ACOX3: variants seen among roughly 807,000 people sequenced by gnomAD.
ACOX3 encodes acyl-CoA oxidase 3, pristanoyl.
A neutral mutation model predicts 81.5 loss-of-function variants in ACOX3; 73 were observed. The ratio of observed to expected loss-of-function variants is 0.90; its 90% CI spans 0.74 to 1.09. The LOEUF is 1.09. Ranked by LOEUF, ACOX3 falls within the 50% of genes least tolerant of loss-of-function variation. The pLI is 0.00. For synonymous variants in ACOX3, 387 were observed against 375.1 expected (o/e 1.03, Z -0.37); for missense variants, 947 against 928.0 (o/e 1.02, Z -0.27).
In ACOX3 at chr4:8,385,390, C is replaced by T. The variant is rs1718187785; in HGVS notation, c.1537+3783G>A. 6.6e-6 allele frequency among the ~76,000 whole-genome samples: 1 copy of T among 152,216 alleles called. No homozygotes were observed. Among genetic ancestry groups the T allele is most frequent in the Non-Finnish European group, 1.5e-5 (1 of 68,040 alleles). On this transcript the variant is annotated intron_variant, in intron 13 of 17. Transcript: ENST00000356406. This position sits in a 1 kb window ranked among gnomAD's most constrained non-coding sequence, Gnocchi z 5.5. ...TGACCTCACCACTCACCCCATGTGA[C>T]CCCACTGCTCACACATGACCCTATG...
Position 8,373,546 on chromosome 4 carries a change from G to A in ACOX3, c.1896+15C>T. On this transcript the variant is annotated intron_variant, in intron 16 of 17. Coordinates refer to ENST00000356406, the MANE Select transcript of ACOX3 (RefSeq NM_003501.3). ...TAACATGGATGTAGAGAACGCGACA[G>A]CACCCACGGCTCACCTGGGAACACA... The A allele has an allele frequency of 6.2e-7, 1 of 1,613,598 alleles. No individual in the cohort carries two copies. The highest frequency in any genetic ancestry group is 8.5e-7 in the Non-Finnish European group (1 of 1,179,868).
rs373143353 is a variant in ACOX3 at position 8,410,349 on chromosome 4, T to C, written c.550A>G (p.Ile184Val). The part of the protein sequence containing the change: ...AHYDPATEEF[I>V]IHSPDFEAAK... ...GCTTCGAAATCAGGGGAATGTATGATGAATTCCTGCACAAGGGAAAATTTA... is the reference window on the plus strand; with the variant it reads ...GCTTCGAAATCAGGGGAATGTATGACGAATTCCTGCACAAGGGAAAATTTA... The change falls in exon 6 of 18, where the codon ATC (isoleucine) becomes GTC (valine). Residue 184 changes from isoleucine to valine, a missense_variant. Coordinates refer to ENST00000356406, the MANE Select transcript of ACOX3 (RefSeq NM_003501.3). 3 of 1,614,056 alleles carry C rather than the reference T, an allele frequency of 1.9e-6. No homozygotes were observed. In the Admixed American group the frequency reaches 5.0e-5, roughly 27 times the overall value.
chr4:8,420,937 G>A (rs12513048), intron 1 of ACOX3, among the ~76,000 whole-genome samples: 2,343 of 152,300 alleles, frequency 0.015, 23 homozygotes, highest in South Asian at 0.04. Flanking sequence ...CTAGTCCCTG[G>A]GTTCCACAGT....
intron 1 of ACOX3, among the ~76,000 whole-genome samples, chr4:8,435,816 G>C (rs1467383216): frequency 6.6e-6 from 1 of 152,192 alleles, no homozygotes; most frequent in East Asian, 1.9e-4. Context: ...GGAGCCGCCA[G>C]AGATAACAGA....
chr4:8,410,523 T>C (rs1216944098), intron 5 of ACOX3, among the ~76,000 whole-genome samples, 168 bp from the exon 6 acceptor site: 1 of 152,230 alleles, frequency 6.6e-6, no homozygotes, highest in Non-Finnish European at 1.5e-5. Flanking sequence ...GCCTATTTTT[T>C]AAACACAGCC....
chr4:8,415,611 T>G (rs1294351133), intron 3 of ACOX3, among the ~76,000 whole-genome samples, 155 bp downstream of exon 3: 1 of 152,094 alleles, frequency 6.6e-6, no homozygotes, highest in Non-Finnish European at 1.5e-5. Context: ...TGAAATTTTT[T>G]TAAAAACATT....
intron 9 of ACOX3, among the ~76,000 whole-genome samples, chr4:8,395,947 A>C (rs1355397521): frequency 6.6e-6 from 1 of 152,172 alleles, no homozygotes; most frequent in Non-Finnish European, 1.5e-5. Flanking sequence ...CTTTAACTGG[A>C]TTTCTTATTT....
At position 8,432,740 on chromosome 4, in the gene ACOX3, C is replaced by T. The variant is rs996942053; in HGVS notation, c.-15+7908G>A. ...GCCAGGGACTTCCGGTTGGAGCCTC[C>T]ACTGCTGCTTCTCGAGTTCCACCCA... is the stretch of plus-strand genomic sequence containing the variant. On this transcript the variant is annotated intron_variant, in intron 1 of 17. Coordinates refer to ENST00000356406, the MANE Select transcript of ACOX3 (RefSeq NM_003501.3). The surrounding 1 kb of genome is among the most constrained non-coding windows in gnomAD (Gnocchi z 6.2). Among the ~76,000 whole-genome samples, 2 of 152,154 alleles carry T rather than the reference C, an allele frequency of 1.3e-5. No individual in the cohort carries two copies. Among genetic ancestry groups the T allele is most frequent in the Non-Finnish European group, 1.5e-5 (1 of 68,022 alleles).
intron 14 of ACOX3, among the ~76,000 whole-genome samples, chr4:8,377,716 C>A (rs1325327584): frequency 6.6e-6 from 1 of 152,238 alleles, no homozygotes; most frequent in Non-Finnish European, 1.5e-5. Flanking sequence ...TAAACAGTGT[C>A]TGCCATGGCA....
intron 1 of ACOX3, among the ~76,000 whole-genome samples, chr4:8,438,176 A>G (rs1724363657): frequency 6.6e-6 from 1 of 152,250 alleles, no homozygotes; most frequent in East Asian, 1.9e-4. Flanking sequence ...CAGGACAGAA[A>G]AAGTACAAGA....
chr4:8,420,084 G>A (rs1722767083), intron 1 of ACOX3, among the ~76,000 whole-genome samples: 1 of 152,208 alleles, frequency 6.6e-6, no homozygotes, highest in African/African-American at 2.4e-5. Flanking sequence ...AGTACTATCA[G>A]TAGTCTCCTT....
rs991986133 is a variant in ACOX3 at position 8,431,814 on chromosome 4, C to T, written c.-15+8834G>A. Among the ~76,000 whole-genome samples, 2 of 152,234 alleles carry T rather than the reference C, an allele frequency of 1.3e-5. No individual in the cohort carries two copies. Among genetic ancestry groups the T allele is most frequent in the African/African-American group, 2.4e-5 (1 of 41,454 alleles). On this transcript the variant is annotated intron_variant, in intron 1 of 17. Coordinates refer to ENST00000356406, the MANE Select transcript of ACOX3 (RefSeq NM_003501.3). This position sits in a 1 kb window ranked among gnomAD's most constrained non-coding sequence, Gnocchi z 5.3. ...TCTGCTCCCTTCGGCACACCGATTC[C>T]CTGCTCAGTTTTAGACCTTGGTGCT...
rs553131349 is a variant in ACOX3 at position 8,399,843 on chromosome 4, G to A, written c.777-191C>T. ...AGTCAGGAACAGTGGCTCACGCCCA[G>A]AATCCCAACTCTTTGGAAGACTGAG... On this transcript the variant is annotated intron_variant, in intron 7 of 17. Coordinates refer to ENST00000356406, the MANE Select transcript of ACOX3 (RefSeq NM_003501.3). This position sits in a 1 kb window ranked among gnomAD's most constrained non-coding sequence, Gnocchi z 4.9. Among the ~76,000 whole-genome samples the A allele has an allele frequency of 6.6e-6, 1 of 152,298 alleles. No individual in the cohort carries two copies. The highest frequency in any genetic ancestry group is 1.9e-4 in the East Asian group (1 of 5,186).
At position 8,368,673 on chromosome 4, in the gene ACOX3, T is replaced by G. The variant is rs920526813; in HGVS notation, c.1984-1593A>C. ...CTCTGTTTGTTCGCTTATAGTGAAT[T>G]TCTCACCTGGCAGCTCCTGGTTAAT... On this transcript the variant is annotated intron_variant, in intron 17 of 17. Coordinates refer to ENST00000356406, the MANE Select transcript of ACOX3 (RefSeq NM_003501.3). This position sits in a 1 kb window ranked among gnomAD's most constrained non-coding sequence, Gnocchi z 5.9. Among the ~76,000 whole-genome samples the G allele has an allele frequency of 4.6e-5, 7 of 152,092 alleles. No individual in the cohort carries two copies. Among genetic ancestry groups the G allele is most frequent in the African/African-American group, 1.7e-4 (7 of 41,408 alleles).
chr4:8,379,205 T>A (rs1033637094), intron 14 of ACOX3, among the ~76,000 whole-genome samples: 1 of 152,198 alleles, frequency 6.6e-6, no homozygotes, highest in African/African-American at 2.4e-5. Flanking sequence ...CCGGTTCCCA[T>A]CTTCCTGAAA....
Position 8,410,259 on chromosome 4 carries a change from A to G in ACOX3, c.640T>C (p.Cys214Arg). 6.2e-7 allele frequency: 1 copy of G among 1,614,100 alleles called. No individual in the cohort carries two copies. Among genetic ancestry groups the G allele is most frequent in the Non-Finnish European group, 8.5e-7 (1 of 1,179,964 alleles). The change falls in exon 6 of 18, where the codon TGT (cysteine) becomes CGT (arginine). Residue 214 changes from cysteine to arginine, a missense_variant. Transcript: ENST00000356406. ...ATHAVVFAKL[C>R]VPGDQCHGLH... ...CCATGGCACTGGTCCCCTGGCACAC[A>G]CAGCTTAGCAAACACCACCGCGTGA...
At chr4:8,383,352 C>T (rs954826283) in intron 13 of ACOX3, among the ~76,000 whole-genome samples, 22 of 152,236 alleles carry the variant, frequency 1.4e-4, no homozygotes, top group African/African-American at 4.8e-4. Context: ...GTGAATGTGA[C>T]CTTTGTTGGG....
intron 9 of ACOX3, among the ~76,000 whole-genome samples, chr4:8,395,247 T>G (rs1560183192): frequency 2.5e-3 from 2 of 796 alleles, no homozygotes; most frequent in South Asian, 0.045. Flanking sequence ...TATTGTTGGA[T>G]GGGGGGGTGG....
Position 8,431,871 on chromosome 4 carries a change from C to T in ACOX3, c.-15+8777G>A, listed in dbSNP as rs183845207. Among the ~76,000 whole-genome samples, 11 of 152,352 alleles carry T rather than the reference C, an allele frequency of 7.2e-5. No individual in the cohort carries two copies. In the East Asian group the frequency reaches 1.9e-3, roughly 27 times the overall value. The stretch of plus-strand genomic sequence containing the variant: ...TGTCATTGGCCATTGTTGTTATGTG[C>T]ACACATTGTTAAAGCTAAAGTTGCC... On this transcript the variant is annotated intron_variant, in intron 1 of 17. Transcript: ENST00000356406. This position sits in a 1 kb window ranked among gnomAD's most constrained non-coding sequence, Gnocchi z 5.3.
Sources: allele counts gnomAD v4.1 joint callset (sites outside exome capture counted in the v4.1 genomes callset), GRCh38; gene constraint gnomAD v4.1.1; non-coding constraint Gnocchi (gnomAD v3.1); transcripts MANE v1.5; gene names NCBI Gene and HGNC (gene_info 2026-07-23, HGNC 2026-07-21).